The following KCNB2 variants were observed in gnomAD, a reference collection of about 807,000 sequenced individuals.
KCNB2 encodes the protein potassium voltage-gated channel subfamily B member 2.
KCNB2 carries 15 observed loss-of-function variants against 61.5 expected under a neutral mutation model. The observed-to-expected ratio is 0.24, with a 90% CI of 0.16 to 0.38. The LOEUF is 0.38. Among genes scored for constraint, KCNB2 ranks in the 10% least tolerant of loss-of-function variants. The pLI is 1.00. For missense variants in KCNB2, 828 were observed against 1,125.2 expected (o/e 0.74, Z 3.78); for synonymous variants, 457 against 446.0 (o/e 1.02, Z -0.31).
intron 2 of KCNB2, among the ~76,000 whole-genome samples, chr8:72,627,199 A>C (rs115786678): frequency 0.012 from 1,753 of 152,306 alleles, 34 homozygotes; most frequent in African/African-American, 0.038. Flanking sequence ...TCATTCATGA[A>C]AGCAGATTTT....
chr8:72,899,175 T>C (rs562817433), intron 2 of KCNB2, among the ~76,000 whole-genome samples: 1 of 152,222 alleles, frequency 6.6e-6, no homozygotes, highest in East Asian at 1.9e-4. Context: ...AGAAAAAGCC[T>C]TCAATAAAAC....
At chr8:72,829,102 C>G (rs2129001702) in intron 2 of KCNB2, among the ~76,000 whole-genome samples, 1 of 152,124 alleles carries the variant, frequency 6.6e-6, no homozygotes, top group South Asian at 2.1e-4. Context: ...GCCCCCAAAG[C>G]CAAAATTATA....
At chr8:72,739,947 T>A (rs1195848589) in intron 2 of KCNB2, among the ~76,000 whole-genome samples, 1 of 152,054 alleles carries the variant, frequency 6.6e-6, no homozygotes, top group Admixed American at 6.6e-5. Flanking sequence ...AGTGAATATT[T>A]GCTGATTGAT....
intron 2 of KCNB2, among the ~76,000 whole-genome samples, chr8:72,935,257 A>G (rs1456658249): frequency 1.3e-5 from 2 of 152,164 alleles, no homozygotes; most frequent in East Asian, 3.9e-4. Flanking sequence ...TCAGCCCTGC[A>G]CTGAAATCAT....
At chr8:72,671,369 C>A (rs1231379957) in intron 2 of KCNB2, among the ~76,000 whole-genome samples, 2 of 152,152 alleles carry the variant, frequency 1.3e-5, no homozygotes, top group Admixed American at 6.6e-5. Flanking sequence ...TTATTACAGC[C>A]TGCAAAACCT....
rs971967124 is a variant in KCNB2, at chr8:72,814,894, G to A, written c.580-121041G>A. ...TTTTGAATTACAGAGAAAACAGTGG[G>A]CTGAGCTATGATAATAACTAGAAAA... On this transcript the variant is annotated intron_variant, in intron 2 of 2. Coordinates refer to ENST00000523207, the MANE Select transcript of KCNB2 (RefSeq NM_004770.3). Among the ~76,000 whole-genome samples, 6 of 152,106 alleles carry A rather than the reference G, an allele frequency of 3.9e-5. No individual in the cohort carries two copies. In the South Asian group the frequency reaches 6.2e-4, roughly 16 times the overall value.
At chr8:72,843,369 T>A (rs1038685839) in intron 2 of KCNB2, among the ~76,000 whole-genome samples, 19 of 152,198 alleles carry the variant, frequency 1.2e-4, no homozygotes, top group African/African-American at 4.6e-4. Context: ...TGTGGTCAAT[T>A]TTTGAATAAG....
chr8:72,787,896 C>T (rs989741918), intron 2 of KCNB2, among the ~76,000 whole-genome samples: 27 of 152,150 alleles, frequency 1.8e-4, no homozygotes, highest in Non-Finnish European at 3.7e-4. Context: ...GATAAGTCAG[C>T]TTTCCTGCAT....
Position 72,635,959 on chromosome 8 carries a change from C to T in KCNB2, c.579+67646C>T, listed in dbSNP as rs999419705. Among the ~76,000 whole-genome samples the T allele has an allele frequency of 2.4e-4, 37 of 152,094 alleles. 1 individual carries two copies. Among genetic ancestry groups the T allele is most frequent in the Admixed American group, 2.0e-3 (30 of 15,268 alleles). ...TTCCTTTGTGCCTCAGTTTCCTCAT[C>T]GACACATTGGGAAGAGTAGTACTGT... On this transcript the variant is annotated intron_variant, in intron 2 of 2. Transcript: ENST00000523207.
intron 2 of KCNB2, among the ~76,000 whole-genome samples, chr8:72,714,207 G>A (rs1251360328): frequency 6.6e-6 from 1 of 152,218 alleles, no homozygotes; most frequent in Non-Finnish European, 1.5e-5. Flanking sequence ...AAGTGATGGG[G>A]AGAATGAAAC....
Position 72,936,103 on chromosome 8 carries a change from T to C in KCNB2, c.748T>C (p.Leu250=), listed in dbSNP as rs764815044. Residue 250 remains leucine (L), a synonymous_variant, in exon 3 of 3, where the codon TTG becomes CTG. Coordinates refer to ENST00000523207, the MANE Select transcript of KCNB2 (RefSeq NM_004770.3). The surrounding 1 kb of genome is among the most constrained non-coding windows in gnomAD (Gnocchi z 5.6). Reference sequence around the variant, plus strand: ...TGCATGGTTTACCATGGAGTACCTTTTGCGATTCTTATCCTCACCAAATAA... The same window carrying C: ...TGCATGGTTTACCATGGAGTACCTTCTGCGATTCTTATCCTCACCAAATAA... ...CIAWFTMEYL[L]RFLSSPNKWK... The C allele has an allele frequency of 2.5e-6, 4 of 1,614,242 alleles. No individual in the cohort carries two copies. The South Asian group carries it at 4.4e-5, about 18-fold the overall frequency.
chr8:72,882,533 G>GAGAGAGAGAGAGAGAGAC (rs1805731361), intron 2 of KCNB2, among the ~76,000 whole-genome samples: 1 of 150,818 alleles, frequency 6.6e-6, no homozygotes, highest in Non-Finnish European at 1.5e-5. Context: ...GAGAGAGAGA[G>GAGAGAGAGAGAGAGAGAC]AGAGAGAGAG....
chr8:72,924,785 G>A (rs191993596), intron 2 of KCNB2, among the ~76,000 whole-genome samples: 1 of 152,298 alleles, frequency 6.6e-6, no homozygotes, highest in East Asian at 1.9e-4. Flanking sequence ...GCCCTTGTCT[G>A]TGATGCTTAG....
chr8:72,626,389 A>G (rs968421243), intron 2 of KCNB2, among the ~76,000 whole-genome samples: 1 of 152,208 alleles, frequency 6.6e-6, no homozygotes, highest in South Asian at 2.1e-4. Context: ...TTTTCTTGAA[A>G]TTAATATGTA....
chr8:72,661,842 C>A (rs1400216989), intron 2 of KCNB2, among the ~76,000 whole-genome samples: 2 of 152,160 alleles, frequency 1.3e-5, no homozygotes, highest in Non-Finnish European at 1.5e-5. Flanking sequence ...CTCTAAAAAT[C>A]TCTATTTTAA....
At chr8:72,598,728 A>C (rs557912388) in intron 2 of KCNB2, among the ~76,000 whole-genome samples, 39 of 152,364 alleles carry the variant, frequency 2.6e-4, no homozygotes, top group African/African-American at 8.9e-4. Flanking sequence ...AAATCTCCTT[A>C]AGCTGATAAG....
At position 72,705,501 on chromosome 8, in the gene KCNB2, T is replaced by G. The variant is rs1435703139; in HGVS notation, c.579+137188T>G. ...ATCTCACTCATGGAGAGAAGATTAATAACATTGGAGACACTCTGCCTGGGC... is the reference window on the plus strand; with the variant it reads ...ATCTCACTCATGGAGAGAAGATTAAGAACATTGGAGACACTCTGCCTGGGC... On this transcript the variant is annotated intron_variant, in intron 2 of 2. Transcript: ENST00000523207. 2.0e-5 allele frequency among the ~76,000 whole-genome samples: 3 copies of G among 152,334 alleles called. No individual in the cohort carries two copies. In the East Asian group the frequency reaches 5.8e-4, roughly 29 times the overall value.
chr8:72,865,977 T>G (rs1805509803), intron 2 of KCNB2, among the ~76,000 whole-genome samples: 1 of 152,224 alleles, frequency 6.6e-6, no homozygotes, highest in African/African-American at 2.4e-5. Flanking sequence ...GAGGCCGTGA[T>G]GTATCCCAGC....
chr8:72,553,996 A>T (rs1806383436), intron 1 of KCNB2, among the ~76,000 whole-genome samples: 1 of 152,116 alleles, frequency 6.6e-6, no homozygotes. Flanking sequence ...ATATTCCACA[A>T]AGCCCCATGA....
Sources: allele counts gnomAD v4.1 joint callset (sites outside exome capture counted in the v4.1 genomes callset), GRCh38; gene constraint gnomAD v4.1.1; non-coding constraint Gnocchi (gnomAD v3.1); transcripts MANE v1.5; gene names NCBI Gene and HGNC (gene_info 2026-07-23, HGNC 2026-07-21).